Variants in COL4A2 observed in about 807,000 individuals in gnomAD.
The protein encoded by COL4A2 is collagen type IV alpha 2 chain, also known as collagen alpha-2(IV) chain.
In COL4A2, 99 loss-of-function variants were observed where a neutral mutation model predicts 200.2. That is an observed-to-expected ratio of 0.49 (90% CI 0.42 to 0.58). COL4A2 has a LOEUF of 0.58. COL4A2 is among the 20% of genes least tolerant of loss of function. The pLI is 0.00. For missense variants in COL4A2, 1,950 were observed against 2,314.1 expected (o/e 0.84, Z 3.23); for synonymous variants, 897 against 900.6 (o/e 1.00, Z 0.07).
intron 3 of COL4A2, among the ~76,000 whole-genome samples, chr13:110,345,698 A>C (rs927565351): frequency 1.3e-5 from 2 of 152,186 alleles, no homozygotes; most frequent in African/African-American, 4.8e-5. Flanking sequence ...TTACAAAAAC[A>C]TGAAGGGTGG....
intron 32 of COL4A2, among the ~76,000 whole-genome samples, chr13:110,483,591 G>A (rs773043261): frequency 6.6e-5 from 10 of 152,274 alleles, no homozygotes; most frequent in East Asian, 1.9e-4. Context: ...GACATGGCGC[G>A]TGGGCGAGCC....
At chr13:110,354,094 G>T (rs920203584) in intron 3 of COL4A2, among the ~76,000 whole-genome samples, 6 of 152,164 alleles carry the variant, frequency 3.9e-5, no homozygotes, top group Admixed American at 6.5e-5. Flanking sequence ...TTCAACCTTT[G>T]ATTTATATGG....
chr13:110,453,770 A>G (rs1306805456), intron 20 of COL4A2, among the ~76,000 whole-genome samples: 1 of 152,204 alleles, frequency 6.6e-6, no homozygotes, highest in Non-Finnish European at 1.5e-5. Context: ...AAAGCATACA[A>G]CTTAAGTCCT....
intron 28 of COL4A2, among the ~76,000 whole-genome samples, chr13:110,472,019 C>G (rs929028392): frequency 6.6e-6 from 1 of 152,128 alleles, no homozygotes; most frequent in Non-Finnish European, 1.5e-5. Flanking sequence ...AGGAAGTGAC[C>G]TGATGAGATC....
chr13:110,503,362 A>T, intron 42 of COL4A2, 21 bp from the exon 43 acceptor site: 1 of 1,594,106 alleles, frequency 6.3e-7, no homozygotes. Flanking sequence ...TCGTGTCCCT[A>T]ACGTCTTGTT....
intron 4 of COL4A2, among the ~76,000 whole-genome samples, chr13:110,372,603 G>T (rs907414306): frequency 5.3e-5 from 8 of 152,092 alleles, no homozygotes; most frequent in Non-Finnish European, 1.0e-4. Flanking sequence ...TTTCTTGTTT[G>T]TAAAGATCTC....
chr13:110,473,271 G>A, intron 29 of COL4A2, 121 bp downstream of exon 29: 2 of 849,752 alleles, frequency 2.4e-6, no homozygotes, highest in Non-Finnish European at 3.5e-6. Context: ...TGCTAGCCAT[G>A]CGTACCTTCT....
intron 4 of COL4A2, among the ~76,000 whole-genome samples, chr13:110,409,641 C>T (rs1467062517): frequency 6.6e-6 from 1 of 152,224 alleles, no homozygotes; most frequent in Non-Finnish European, 1.5e-5. Context: ...AACAGGGCGC[C>T]AGCTGAGTCA....
At chr13:110,368,673 AAGG>A (rs1877859566) in intron 4 of COL4A2, among the ~76,000 whole-genome samples, 1 of 152,172 alleles carries the variant, frequency 6.6e-6, no homozygotes. Flanking sequence ...GCTCATCTTC[AAGG>A]ATTGCGTAGG....
At chr13:110,326,827 C>G (rs1333123105) in intron 3 of COL4A2, among the ~76,000 whole-genome samples, 1 of 152,220 alleles carries the variant, frequency 6.6e-6, no homozygotes, top group African/African-American at 2.4e-5. Flanking sequence ...ACTGCCTTCC[C>G]TTGAGTGTGG....
intron 6 of COL4A2, among the ~76,000 whole-genome samples, chr13:110,427,867 A>T (rs541816334): frequency 3.3e-5 from 5 of 150,220 alleles, no homozygotes; most frequent in Admixed American, 6.6e-5. Context: ...AAAGCAAACA[A>T]GAGGCAATCA....
At chr13:110,413,539 G>T (rs1566519778) in intron 4 of COL4A2, among the ~76,000 whole-genome samples, 1 of 152,214 alleles carries the variant, frequency 6.6e-6, no homozygotes, top group Non-Finnish European at 1.5e-5. Flanking sequence ...AGGGCTGCGT[G>T]TGCCATGGCC....
intron 4 of COL4A2, among the ~76,000 whole-genome samples, chr13:110,392,968 T>G (rs1228563355): frequency 3.3e-5 from 5 of 152,196 alleles, no homozygotes; most frequent in Admixed American, 2.0e-4. Flanking sequence ...AGGGAAAAAC[T>G]TACATGGAGG....
At position 110,457,104 on chromosome 13, in the gene COL4A2, G is replaced by C. The variant is rs769600624; in HGVS notation, c.1340-239G>C. On this transcript the variant is annotated intron_variant, in intron 20 of 47. Coordinates refer to ENST00000360467, the MANE Select transcript of COL4A2 (RefSeq NM_001846.4). Reference sequence around the variant, plus strand: ...TGGGACCCCAGGCGTCCGTGGGGCTGATGCCGTGCATCTGCGTGGGACCCC... The same window carrying C: ...TGGGACCCCAGGCGTCCGTGGGGCTCATGCCGTGCATCTGCGTGGGACCCC... The C allele has an allele frequency of 3.4e-5, 12 of 348,430 alleles. 3 individuals carry two copies. Among genetic ancestry groups the C allele is most frequent in the East Asian group, 1.5e-4 (3 of 20,482 alleles). The allele number at this position is 348,430 out of a possible 1,614,324, so 21.6% of individuals were successfully genotyped here.
intron 7 of COL4A2, among the ~76,000 whole-genome samples, 179 bp downstream of exon 7, chr13:110,428,762 G>A (rs752374850): frequency 1.3e-5 from 2 of 152,240 alleles, no homozygotes; most frequent in Non-Finnish European, 2.9e-5. Flanking sequence ...TTCTTTAAAT[G>A]TTAGATAGAA....
At chr13:110,343,422 A>T (rs574359294) in intron 3 of COL4A2, among the ~76,000 whole-genome samples, 1 of 152,160 alleles carries the variant, frequency 6.6e-6, no homozygotes. Context: ...GGCATCCTCG[A>T]TCCCTGCTGA....
Position 110,426,751 on chromosome 13 carries a change from C to G in COL4A2, c.361-1716C>G, listed in dbSNP as rs116408863. On this transcript the variant is annotated intron_variant, in intron 6 of 47. Coordinates refer to ENST00000360467, the MANE Select transcript of COL4A2 (RefSeq NM_001846.4). The stretch of plus-strand genomic sequence containing the variant: ...GTTCTAAGCAAGTAAGAAAGACCAA[C>G]GGCAGACAAATAATAGAGAAAAATT... 5.1e-3 allele frequency among the ~76,000 whole-genome samples: 779 copies of G among 152,280 alleles called. 5 individuals carry two copies. The highest frequency in any genetic ancestry group is 0.017 in the African/African-American group (722 of 41,566).
At position 110,484,940 on chromosome 13, in the gene COL4A2, C is replaced by T; in HGVS notation, c.2938C>T (p.Pro980Ser). ...GGACCCTGGGCCCCCAGGACCACCT[C>T]CTGTCATCCTGCCAGGAATGAAAGA... ...RGDPGPPGPP[P>S]VILPGMKDIK... Residue 980 changes from proline (P) to serine (S), a missense_variant, in exon 33 of 48, where the codon CCT (proline) becomes TCT (serine). Coordinates refer to ENST00000360467, the MANE Select transcript of COL4A2 (RefSeq NM_001846.4). 1 of 1,613,092 alleles carries T rather than the reference C, an allele frequency of 6.2e-7. No homozygotes were observed. Among genetic ancestry groups the T allele is most frequent in the Non-Finnish European group, 8.5e-7 (1 of 1,179,220 alleles).
intron 16 of COL4A2, among the ~76,000 whole-genome samples, chr13:110,442,954 C>G (rs1881186572): frequency 6.7e-6 from 1 of 149,162 alleles, no homozygotes; most frequent in Non-Finnish European, 1.5e-5. Flanking sequence ...GGAAGTCCCC[C>G]CTCAATAGGA....
Sources: allele counts gnomAD v4.1 joint callset (sites outside exome capture counted in the v4.1 genomes callset), GRCh38; gene constraint gnomAD v4.1.1; transcripts MANE v1.5; gene names NCBI Gene and HGNC (gene_info 2026-07-23, HGNC 2026-07-21).